Variants in RIC3 observed in about 807,000 individuals in gnomAD.
RIC3 encodes the protein protein RIC-3.
RIC3 carries 28 observed loss-of-function variants against 27.3 expected under a neutral mutation model. The observed-to-expected ratio is 1.02, with a 90% CI of 0.76 to 1.41. The LOEUF is 1.41. RIC3 is among the 40% of genes most tolerant of loss of function. RIC3 has a pLI of 0.00. For missense variants in RIC3, 501 were observed against 444.7 expected, an observed-to-expected ratio of 1.13 and a Z score of -1.14; for synonymous variants, 184 against 160.4, an observed-to-expected ratio of 1.15 and a Z score of -1.11.
chr11:8,138,827 A>C (rs1948708260), intron 2 of RIC3: 1 of 235,188 alleles, frequency 4.3e-6, no homozygotes, highest in Non-Finnish European at 8.3e-6. Context: ...TCCACAAGTT[A>C]GTTCCTCCTT....
intron 4 of RIC3, among the ~76,000 whole-genome samples, chr11:8,131,596 A>C (rs1237422521): frequency 6.6e-6 from 1 of 151,994 alleles, no homozygotes; most frequent in Non-Finnish European, 1.5e-5. Flanking sequence ...AAACATACAA[A>C]TGCTTAATCA....
chr11:8,094,224 G>A, the RIC3 span: 3 of 1,577,210 alleles, frequency 1.9e-6, no homozygotes, highest in Non-Finnish European at 2.6e-6. Flanking sequence ...TCCCCAGCAG[G>A]CCTGGCCTCC....
At chr11:8,150,293 ATTTT>A (rs913246989) in intron 1 of RIC3, among the ~76,000 whole-genome samples, 4 of 152,180 alleles carry the variant, frequency 2.6e-5, no homozygotes, top group African/African-American at 9.7e-5. Flanking sequence ...TATAAATCAT[ATTTT>A]TTAAGTTAAC....
chr11:8,127,389 G>C (rs1397372520), intron 4 of RIC3, among the ~76,000 whole-genome samples: 1 of 152,170 alleles, frequency 6.6e-6, no homozygotes, highest in Admixed American at 6.5e-5. Context: ...CCACAGAGGA[G>C]AAATATTGTT....
intron 4 of RIC3, among the ~76,000 whole-genome samples, chr11:8,130,285 G>A (rs1947532914): frequency 2.0e-5 from 3 of 152,166 alleles, no homozygotes; most frequent in African/African-American, 4.8e-5. Context: ...TGGGCCAACT[G>A]TACTTTTGGA....
At chr11:8,096,559 G>A in the RIC3 span, 1 of 717,934 alleles carries the variant, frequency 1.4e-6, no homozygotes, top group Non-Finnish European at 2.6e-6. Flanking sequence ...ATGGCTAAGA[G>A]TGTGTGCATA....
intron 1 of RIC3, among the ~76,000 whole-genome samples, chr11:8,143,174 C>A (rs1226680021): frequency 7.1e-6 from 1 of 140,146 alleles, no homozygotes; most frequent in African/African-American, 2.7e-5. Flanking sequence ...GAAGTTCTGG[C>A]CAGGGCAATT....
intron 4 of RIC3, chr11:8,128,095 C>T (rs1947203679): frequency 2.4e-6 from 1 of 415,488 alleles, no homozygotes; most frequent in African/African-American, 2.1e-5. Context: ...TAGCTCTATT[C>T]TTCCCATCAG....
At chr11:8,158,738 T>TGTTC (rs959427340) in intron 1 of RIC3, among the ~76,000 whole-genome samples, 2 of 126,770 alleles carry the variant, frequency 1.6e-5, no homozygotes, top group African/African-American at 6.2e-5. Context: ...GTTTTTTGTT[T>TGTTC]GTTTTTTGTT....
chr11:8,137,323 C>A lies in RIC3; in HGVS notation c.521+55G>T, dbSNP rs1378815458. On this transcript the variant is annotated intron_variant, in intron 4 of 5. Coordinates refer to ENST00000309737, the MANE Select transcript of RIC3 (RefSeq NM_001206671.4). ...AGAGGCCTCGGCCACTGCACCCAGC[C>A]TGAATTTATTTTCTAAATGAGAAAT... The A allele has an allele frequency of 3.9e-6, 6 of 1,535,656 alleles. No homozygotes were observed. In the African/African-American group the frequency reaches 8.2e-5, roughly 21 times the overall value.
At chr11:8,163,046 CACACAT>C (rs1489981150) in intron 1 of RIC3, among the ~76,000 whole-genome samples, 9 of 132,328 alleles carry the variant, frequency 6.8e-5, no homozygotes, top group East Asian at 4.3e-4. Context: ...CACACACACA[CACACAT>C]ACACACACAC....
Position 8,106,999 on chromosome 11 carries a change from A to G in RIC3, c.*3699T>C, listed in dbSNP as rs1944736527. 6.6e-6 allele frequency: 1 copy of G among 152,142 alleles called. No individual in the cohort carries two copies. The highest frequency in any genetic ancestry group is 6.5e-5 in the Admixed American group (1 of 15,268). 9.4% of individuals were successfully genotyped at this position (152,142 alleles called of 1,614,324 possible). ...ATAAACAGCATCTTATTTAATCCAA[A>G]CAGCCCTGTAAATAGAGCATTATTC... On this transcript the variant is annotated 3_prime_UTR_variant, in exon 6 of 6. Transcript: ENST00000309737.
chr11:8,164,583 C>T (rs1951497348), intron 1 of RIC3, among the ~76,000 whole-genome samples: 1 of 151,864 alleles, frequency 6.6e-6, no homozygotes, highest in African/African-American at 2.4e-5. Context: ...CAAGACCAGC[C>T]TGGGAAATAT....
intron 5 of RIC3, among the ~76,000 whole-genome samples, chr11:8,123,097 T>C (rs1030195454): frequency 2.0e-5 from 3 of 151,518 alleles, no homozygotes; most frequent in Non-Finnish European, 2.9e-5. Context: ...TAAAAAACAC[T>C]GAATAAGATT....
rs1466839191 is a variant in RIC3 at position 8,106,344 on chromosome 11, A to G, written c.*4354T>C. On this transcript the variant is annotated 3_prime_UTR_variant, in exon 6 of 6. Transcript: ENST00000309737. Reference sequence around the variant, plus strand: ...TGTTTCCTAGGAGCCTCAGGTGGGTAAGTAGGTGATAATAGCAAAGAGATC... The same window carrying G: ...TGTTTCCTAGGAGCCTCAGGTGGGTGAGTAGGTGATAATAGCAAAGAGATC... The G allele has an allele frequency of 6.6e-6, 1 of 152,146 alleles. No individual in the cohort carries two copies. Among genetic ancestry groups the G allele is most frequent in the Non-Finnish European group, 1.5e-5 (1 of 68,028 alleles). 9.4% of individuals were successfully genotyped at this position (152,146 alleles called of 1,614,324 possible).
intron 1 of RIC3, among the ~76,000 whole-genome samples, chr11:8,151,003 A>G (rs1231144817): frequency 6.6e-6 from 1 of 152,244 alleles, no homozygotes; most frequent in Non-Finnish European, 1.5e-5. Flanking sequence ...AAAATGGATG[A>G]AAGACCTAAT....
At chr11:8,143,978 G>A (rs1295360007) in intron 1 of RIC3, among the ~76,000 whole-genome samples, 3 of 152,192 alleles carry the variant, frequency 2.0e-5, no homozygotes, top group Non-Finnish European at 2.9e-5. Flanking sequence ...CTAGCCATAT[G>A]TAGAAAGCTG....
At chr11:8,138,428 A>G in intron 2 of RIC3, 81 bp from the exon 3 acceptor site, 2 of 830,898 alleles carry the variant, frequency 2.4e-6, no homozygotes, top group Non-Finnish European at 3.9e-6. Flanking sequence ...ACAAAAAAAA[A>G]AGGTTGGGAA....
intron 5 of RIC3, among the ~76,000 whole-genome samples, chr11:8,119,812 T>C (rs1946251024): frequency 6.6e-6 from 1 of 152,178 alleles, no homozygotes; most frequent in African/African-American, 2.4e-5. Context: ...AAAGGGCTAA[T>C]ATCTAGAATC....
Sources: allele counts gnomAD v4.1 joint callset (sites outside exome capture counted in the v4.1 genomes callset), GRCh38; gene constraint gnomAD v4.1.1; transcripts MANE v1.5; gene names NCBI Gene and HGNC (gene_info 2026-07-23, HGNC 2026-07-21).